Variants in RANBP2 observed in about 807,000 individuals in gnomAD.
RANBP2 encodes RAN binding protein 2.
Under a neutral mutation model 303.6 loss-of-function variants are expected in RANBP2, and 57 were observed. The ratio of observed to expected loss-of-function variants is 0.19; its 90% CI spans 0.15 to 0.23. The LOEUF is 0.23. RANBP2 is among the 10% of genes least tolerant of loss of function. RANBP2 has a pLI of 1.00. For missense variants in RANBP2, 3,138 were observed against 3,780.8 expected, an observed-to-expected ratio of 0.83 and a Z score of 4.46; for synonymous variants, 1,167 against 1,301.5, an observed-to-expected ratio of 0.90 and a Z score of 2.23.
chr2:109,565,985 G>A, the RANBP2 span: 72 of 839,768 alleles, frequency 8.6e-5, no homozygotes, highest in East Asian at 1.8e-3. Flanking sequence ...GGTCAGCTAT[G>A]CCTCAGATTT....
chr2:109,343,883 A>G, the RANBP2 span, among the ~76,000 whole-genome samples: 3 of 152,138 alleles, frequency 2.0e-5, no homozygotes, highest in South Asian at 6.2e-4. Context: ...AGCTGAGACT[A>G]CAGGTACTTG....
At chr2:109,347,624 G>T in the RANBP2 span, 1 of 1,587,164 alleles carries the variant, frequency 6.3e-7, no homozygotes, top group Non-Finnish European at 8.6e-7. Flanking sequence ...CCACTGTGGG[G>T]CATTGGGAAG....
the RANBP2 span, among the ~76,000 whole-genome samples, chr2:109,682,444 C>A: frequency 6.6e-6 from 1 of 152,176 alleles, no homozygotes; most frequent in African/African-American, 2.4e-5. Context: ...GAAATTTGCT[C>A]CAGCTGTCTG....
chr2:109,006,750 G>T, the RANBP2 span, among the ~76,000 whole-genome samples: 1 of 152,158 alleles, frequency 6.6e-6, no homozygotes, highest in African/African-American at 2.4e-5. Flanking sequence ...TGGCTGGAAG[G>T]TATTTTCTAG....
At chr2:109,566,405 G>C in the RANBP2 span, among the ~76,000 whole-genome samples, 1 of 152,056 alleles carries the variant, frequency 6.6e-6, no homozygotes, top group Non-Finnish European at 1.5e-5. Context: ...TAATCCCAAA[G>C]TGCTGGGATT....
At chr2:108,921,000 T>C in the RANBP2 span, among the ~76,000 whole-genome samples, 1 of 152,088 alleles carries the variant, frequency 6.6e-6, no homozygotes, top group Non-Finnish European at 1.5e-5. Flanking sequence ...CCAAACTTGT[T>C]AAAAATGTAC....
At chr2:109,129,139 G>A in the RANBP2 span, 7 of 391,604 alleles carry the variant, frequency 1.8e-5, no homozygotes, top group Admixed American at 1.4e-4. Context: ...CCTCCCCGGG[G>A]ACCTGGCCGG....
At chr2:109,201,290 C>T in the RANBP2 span, among the ~76,000 whole-genome samples, 1 of 152,244 alleles carries the variant, frequency 6.6e-6, no homozygotes, top group Non-Finnish European at 1.5e-5. Flanking sequence ...CTTTCACAGA[C>T]AGACCCCAGC....
chr2:109,659,719 G>A, the RANBP2 span, among the ~76,000 whole-genome samples: 1 of 152,216 alleles, frequency 6.6e-6, no homozygotes, highest in Non-Finnish European at 1.5e-5. Context: ...ATGAGGTATG[G>A]ACTCTGAGGG....
the RANBP2 span, among the ~76,000 whole-genome samples, chr2:108,971,768 T>C: frequency 6.6e-6 from 1 of 152,214 alleles, no homozygotes; most frequent in African/African-American, 2.4e-5. Flanking sequence ...AACTCTTTGA[T>C]ACCACCTTCA....
At chr2:108,795,193 C>T in the RANBP2 span, among the ~76,000 whole-genome samples, 4 of 105,340 alleles carry the variant, frequency 3.8e-5, no homozygotes, top group Non-Finnish European at 6.9e-5. Context: ...CTTGCTGTAT[C>T]ACCCAGGCTG....
the RANBP2 span, chr2:108,873,491 A>G: frequency 3.1e-6 from 5 of 1,607,328 alleles, no homozygotes; most frequent in African/African-American, 1.3e-5. Flanking sequence ...GCAACTCTTT[A>G]TTTTTTCGTA....
the RANBP2 span, among the ~76,000 whole-genome samples, chr2:109,267,705 T>A: frequency 6.6e-6 from 1 of 152,156 alleles, no homozygotes; most frequent in African/African-American, 2.4e-5. Context: ...TTTCCCTTCT[T>A]TTACTCTCCC....
chr2:109,707,553 A>C, the RANBP2 span, among the ~76,000 whole-genome samples: 1 of 152,198 alleles, frequency 6.6e-6, no homozygotes, highest in African/African-American at 2.4e-5. Flanking sequence ...ACCTTGCTGC[A>C]GCTTCTAAGC....
chr2:109,251,299 G>C, the RANBP2 span: 31 of 401,440 alleles, frequency 7.7e-5, no homozygotes, highest in Admixed American at 1.1e-3. Context: ...GAGCCACCAT[G>C]CCCGGCCCAA....
intron 26 of RANBP2, among the ~76,000 whole-genome samples, chr2:108,781,862 C>A (rs1391837290): frequency 6.6e-6 from 1 of 152,096 alleles, no homozygotes; most frequent in Non-Finnish European, 1.5e-5. Flanking sequence ...ACTTTTGAAA[C>A]CTCTCTGTCC....
chr2:109,040,548 A>G, the RANBP2 span, among the ~76,000 whole-genome samples: 1 of 152,260 alleles, frequency 6.6e-6, no homozygotes, highest in Non-Finnish European at 1.5e-5. Flanking sequence ...GATTAATTTA[A>G]GGAGAATTGA....
At chr2:109,497,293 G>A in the RANBP2 span, among the ~76,000 whole-genome samples, 7 of 152,168 alleles carry the variant, frequency 4.6e-5, no homozygotes, top group South Asian at 2.1e-4. Flanking sequence ...GGGCTCATTC[G>A]TCTTCCTGTG....
chr2:109,228,293 A>T, the RANBP2 span, among the ~76,000 whole-genome samples: 403 of 152,298 alleles, frequency 2.6e-3, 2 homozygotes, highest in African/African-American at 9.3e-3. Flanking sequence ...TTGTCTCATT[A>T]ATGAGCAGGT....
Sources: allele counts gnomAD v4.1 joint callset (sites outside exome capture counted in the v4.1 genomes callset), GRCh38; gene constraint gnomAD v4.1.1; transcripts MANE v1.5; gene names NCBI Gene and HGNC (gene_info 2026-07-23, HGNC 2026-07-21).